Variants in ZFC3H1 observed in about 807,000 individuals in gnomAD.
The protein encoded by ZFC3H1 is zinc finger C3H1 domain-containing protein.
ZFC3H1 carries 71 observed loss-of-function variants against 243.7 expected under a neutral mutation model. That is an observed-to-expected ratio of 0.29 (90% CI 0.24 to 0.36). The LOEUF is 0.36. Ranked by LOEUF, ZFC3H1 falls within the 10% of genes least tolerant of loss-of-function variation. The pLI is 1.00. For synonymous variants in ZFC3H1, 838 were observed against 813.0 expected, an observed-to-expected ratio of 1.03 and a Z score of -0.52; for missense variants, 1,966 against 2,317.1, an observed-to-expected ratio of 0.85 and a Z score of 3.11.
At chr12:71,626,029 TAAC>T (rs1283969842) in intron 22 of ZFC3H1, among the ~76,000 whole-genome samples, 15 of 152,146 alleles carry the variant, frequency 9.9e-5, no homozygotes, top group Non-Finnish European at 1.9e-4. Context: ...CCAATAAAGT[TAAC>T]AACAACAAAA....
rs192371296 is a variant in ZFC3H1, at chr12:71,615,513, T to G, written c.5145-197A>C. Among the ~76,000 whole-genome samples the G allele has an allele frequency of 9.3e-4, 141 of 152,232 alleles. 1 individual carries two copies. The highest frequency in any genetic ancestry group is 1.6e-3 in the Admixed American group (25 of 15,290). On this transcript the variant is annotated intron_variant, in intron 27 of 34. Transcript: ENST00000378743. The stretch of plus-strand genomic sequence containing the variant: ...ATTACACATTACTCAAAATGCTTTT[T>G]TTTGTTTGTTTGTTTGTTTTTGAGA...
intron 31 of ZFC3H1, 108 bp downstream of exon 31, chr12:71,613,227 G>A (rs1879815159): frequency 1.1e-5 from 8 of 704,228 alleles, no homozygotes; most frequent in Non-Finnish European, 1.8e-5. Flanking sequence ...ATATTCATGA[G>A]GACATAGTGG....
At chr12:71,620,586 T>C (rs1042386194) in intron 24 of ZFC3H1, among the ~76,000 whole-genome samples, 10 of 152,186 alleles carry the variant, frequency 6.6e-5, no homozygotes, top group Non-Finnish European at 1.3e-4. Flanking sequence ...ATCAGTGTTT[T>C]CATTTAAACA....
At chr12:71,633,186 C>T (rs1019491892) in intron 13 of ZFC3H1, 78 bp downstream of exon 13, 9 of 1,446,730 alleles carry the variant, frequency 6.2e-6, no homozygotes, top group Non-Finnish European at 7.4e-6. Flanking sequence ...CTTTAGTATA[C>T]AGTGGTTTGT....
chr12:71,614,740 C>T, intron 29 of ZFC3H1, 40 bp from the exon 30 acceptor site: 1 of 1,589,072 alleles, frequency 6.3e-7, no homozygotes, highest in Non-Finnish European at 8.6e-7. Flanking sequence ...ATAACTAAGA[C>T]AGTAGTTCTC....
At chr12:71,632,588 C>T in intron 14 of ZFC3H1, 74 bp from the exon 15 acceptor site, 1 of 1,458,236 alleles carries the variant, frequency 6.9e-7, no homozygotes, top group East Asian at 2.3e-5. Flanking sequence ...GATAATTGTG[C>T]TATCCCCACC....
chr12:71,619,805 A>C, intron 26 of ZFC3H1, 121 bp downstream of exon 26: 1 of 854,246 alleles, frequency 1.2e-6, no homozygotes, highest in Non-Finnish European at 1.8e-6. Flanking sequence ...TGGCAAAGAG[A>C]GAAGGAACAC....
chr12:71,640,149 G>A (rs1405442248), intron 6 of ZFC3H1, among the ~76,000 whole-genome samples: 1 of 152,188 alleles, frequency 6.6e-6, no homozygotes, highest in Non-Finnish European at 1.5e-5. Flanking sequence ...AGGCTCCTGA[G>A]TAGCTGGGAC....
rs1301948993 is a variant in ZFC3H1, at chr12:71,663,278, C to G, written c.333G>C (p.Arg111=). 1.2e-6 allele frequency: 2 copies of G among 1,613,566 alleles called. No homozygotes were observed. Among genetic ancestry groups the G allele is most frequent in the South Asian group, 1.1e-5 (1 of 91,088 alleles). The part of the protein sequence containing the change: ...PSSYRPKEPF[R]SHPPSVRMPS... ...GCATCCGTACAGAAGGCGGATGAGA[C>G]CGGAACGGTTCTTTGGGTCGGTAGC... The change falls in exon 1 of 35, where the codon CGG becomes CGC. Residue 111 remains arginine, a synonymous_variant. Coordinates refer to ENST00000378743, the MANE Select transcript of ZFC3H1 (RefSeq NM_144982.5).
chr12:71,623,274 A>T, intron 24 of ZFC3H1, 86 bp downstream of exon 24: 2 of 1,143,062 alleles, frequency 1.7e-6, no homozygotes, highest in African/African-American at 3.1e-5. Context: ...CCACTTAATT[A>T]CAGAGAATCA....
At position 71,644,106 on chromosome 12, in the gene ZFC3H1, A is replaced by T. The variant is rs750059532; in HGVS notation, c.1492T>A (p.Ser498Thr). 3 of 1,611,418 alleles carry T rather than the reference A, an allele frequency of 1.9e-6. No individual in the cohort carries two copies. Among genetic ancestry groups the T allele is most frequent in the South Asian group, 2.2e-5 (2 of 89,976 alleles). ...FMKLVGGKRR[S>T]RSKSSDPDLR... ...TTTGCATTTCTTACTTTACTTCTTGATCTCCTCTTGCCACCAACCAATTTC... is the reference window on the plus strand; with the variant it reads ...TTTGCATTTCTTACTTTACTTCTTGTTCTCCTCTTGCCACCAACCAATTTC... Residue 498 changes from serine to threonine, a missense_variant, in exon 5 of 35, where the codon TCA becomes ACA. Around this residue, in one of 4 missense-constraint regions of ZFC3H1, gnomAD observed 1,383 missense variants for 1,723.7 expected, o/e 0.80. Coordinates refer to ENST00000378743, the MANE Select transcript of ZFC3H1 (RefSeq NM_144982.5).
rs769023054 is a variant in ZFC3H1 at position 71,663,456 on chromosome 12, T to C, written c.155A>G (p.Tyr52Cys). Residue 52 changes from tyrosine to cysteine, a missense_variant, in exon 1 of 35, where the codon TAT (tyrosine) becomes TGT (cysteine). Around this residue, in one of 4 missense-constraint regions of ZFC3H1, gnomAD observed 484 missense variants for 449.7 expected, o/e 1.08. Coordinates refer to ENST00000378743, the MANE Select transcript of ZFC3H1 (RefSeq NM_144982.5). ...SSSSGGGLLP[Y>C]PRRRPPHSAR... ...CGAGTGAGGAGGCCTTCGCCGCGGA[T>C]AGGGTAACAGCCCGCCGCCGCTGCT... 4.3e-6 allele frequency: 7 copies of C among 1,612,302 alleles called. No homozygotes were observed. Among genetic ancestry groups the C allele is most frequent in the African/African-American group, 4.0e-5 (3 of 74,938 alleles).
In ZFC3H1 at chr12:71,629,671, C is replaced by A; in HGVS notation, c.3764G>T (p.Arg1255Leu). 6.2e-7 allele frequency: 1 copy of A among 1,613,134 alleles called. No individual in the cohort carries two copies. The highest frequency in any genetic ancestry group is 8.5e-7 in the Non-Finnish European group (1 of 1,179,780). Residue 1255 changes from arginine to leucine, a missense_variant, in exon 19 of 35, where the codon CGA becomes CTA. Arg to Leu is a moderately radical substitution (Grantham distance 102). Transcript: ENST00000378743. ...AACAGCCATCTGGTCCATTGACATT[C>A]GATCTTTGTTTACTCCAAAAAGTTT... is the stretch of plus-strand genomic sequence containing the variant. ...VEKLFGVNKDRMSMDQMAVLL... is the reference protein window; with the variant it reads ...VEKLFGVNKDLMSMDQMAVLL...
chr12:71,637,138 G>A, intron 7 of ZFC3H1, 79 bp from the exon 8 acceptor site: 3 of 1,209,828 alleles, frequency 2.5e-6, no homozygotes, highest in Non-Finnish European at 3.4e-6. Flanking sequence ...TATTAAACTA[G>A]AAAAAAATAA....
At chr12:71,619,713 T>C (rs1417005518) in intron 26 of ZFC3H1, among the ~76,000 whole-genome samples, 1 of 152,132 alleles carries the variant, frequency 6.6e-6, no homozygotes, top group Non-Finnish European at 1.5e-5. Context: ...TGAGTAAACA[T>C]GTTCCTTGCC....
chr12:71,632,115 T>C lies in ZFC3H1; in HGVS notation c.3217A>G (p.Asn1073Asp). Residue 1073 changes from asparagine to aspartate, a missense_variant, in exon 15 of 35, where the codon AAT (asparagine) becomes GAT (aspartate). Physicochemically the swap from Asn to Asp is conservative, Grantham distance 23. Transcript: ENST00000378743. The stretch of plus-strand genomic sequence containing the variant: ...TCTGGTTTTTCTACAGTATTTTTAT[T>C]AAGTTTGTTTATGCATTCTTTGTTA... ...TANKECINKL[N>D]KNTVEKPELF... 6.2e-7 allele frequency: 1 copy of C among 1,610,356 alleles called. No individual in the cohort carries two copies. Among genetic ancestry groups the C allele is most frequent in the Non-Finnish European group, 8.5e-7 (1 of 1,178,972 alleles).
chr12:71,647,598 A>AC, intron 3 of ZFC3H1, 151 bp downstream of exon 3: 2 of 488,080 alleles, frequency 4.1e-6, no homozygotes, highest in Non-Finnish European at 7.2e-6. Flanking sequence ...GTCGATCCAG[A>AC]ATTTCTTTAA....
chr12:71,622,875 T>C (rs955800622), intron 24 of ZFC3H1, among the ~76,000 whole-genome samples: 9 of 152,234 alleles, frequency 5.9e-5, no homozygotes, highest in African/African-American at 2.2e-4. Flanking sequence ...CTAGGCTATA[T>C]ACTTCCTTCA....
intron 14 of ZFC3H1, 76 bp from the exon 15 acceptor site, chr12:71,632,590 A>G: frequency 6.9e-7 from 1 of 1,458,722 alleles, no homozygotes. Flanking sequence ...TAATTGTGCT[A>G]TCCCCACCAT....
Sources: allele counts gnomAD v4.1 joint callset (sites outside exome capture counted in the v4.1 genomes callset), GRCh38; gene constraint gnomAD v4.1.1; regional missense constraint gnomAD v4.1.1; transcripts MANE v1.5; gene names NCBI Gene and HGNC (gene_info 2026-07-23, HGNC 2026-07-21).